The following ADCY3 variants were observed in gnomAD, a reference collection of about 807,000 sequenced individuals.
ADCY3 encodes adenylate cyclase 3, also known as adenylate cyclase type 3.
ADCY3 carries 70 observed loss-of-function variants against 119.4 expected under a neutral mutation model. The ratio of observed to expected loss-of-function variants is 0.59; its 90% CI spans 0.48 to 0.72. The LOEUF (loss-of-function observed/expected upper bound fraction) is 0.72, where lower values mean the gene tolerates loss of function less well. Ranked by LOEUF, ADCY3 falls within the 30% of genes least tolerant of loss-of-function variation. The pLI is 0.00. For missense variants in ADCY3, 1,238 were observed against 1,541.6 expected (o/e 0.80, Z 3.30); for synonymous variants, 672 against 621.4 (o/e 1.08, Z -1.21).
At chr2:24,823,149 G>A in intron 18 of ADCY3, 60 bp downstream of exon 18, 2 of 1,565,546 alleles carry the variant, frequency 1.3e-6, no homozygotes, top group Non-Finnish European at 1.7e-6. Flanking sequence ...GCCTATTGTA[G>A]GATGTGATGT....
At chr2:24,821,945 G>A (rs1667795527) in intron 19 of ADCY3, 1 of 324,616 alleles carries the variant, frequency 3.1e-6, no homozygotes, top group African/African-American at 2.1e-5. Context: ...TTGTCAGGTT[G>A]TCCTTGTTTG....
chr2:24,909,503 CT>C (rs1476572242), intron 2 of ADCY3, among the ~76,000 whole-genome samples: 1 of 152,144 alleles, frequency 6.6e-6, no homozygotes, highest in Non-Finnish European at 1.5e-5. Context: ...AAGAGAATGA[CT>C]TCTCACCCAA....
chr2:24,891,678 G>A (rs1677676106), intron 2 of ADCY3, among the ~76,000 whole-genome samples: 1 of 152,162 alleles, frequency 6.6e-6, no homozygotes, highest in Non-Finnish European at 1.5e-5. Context: ...AAAAGGGAAA[G>A]ATAAATTTGT....
At chr2:24,835,813 G>A (rs1051775994) in intron 9 of ADCY3, among the ~76,000 whole-genome samples, 1 of 151,932 alleles carries the variant, frequency 6.6e-6, no homozygotes, top group Non-Finnish European at 1.5e-5. Context: ...GTACACGCCT[G>A]TAATCACAGC....
rs1450704492 is a variant in ADCY3 at position 24,834,001 on chromosome 2, C to T, written c.1967+484G>A. ...TCGTCACCCTCAGACAGGGCTTCAC[C>T]AGCTGGGGACTCCAGGAGGCCACAC... On this transcript the variant is annotated intron_variant, in intron 11 of 21. Transcript: ENST00000679454. This position sits in a 1 kb window ranked among gnomAD's most constrained non-coding sequence, Gnocchi z 4.2. 6.6e-6 allele frequency among the ~76,000 whole-genome samples: 1 copy of T among 152,258 alleles called. No individual in the cohort carries two copies. Among genetic ancestry groups the T allele is most frequent in the Non-Finnish European group, 1.5e-5 (1 of 68,050 alleles).
At chr2:24,873,767 C>T (rs890096827) in intron 2 of ADCY3, among the ~76,000 whole-genome samples, 2 of 152,224 alleles carry the variant, frequency 1.3e-5, no homozygotes, top group Non-Finnish European at 2.9e-5. Flanking sequence ...CTCCAGCTTC[C>T]CTGGCGCCAG....
chr2:24,838,760 G>A, intron 7 of ADCY3, 138 bp from the exon 8 acceptor site: 3 of 1,587,090 alleles, frequency 1.9e-6, no homozygotes, highest in Non-Finnish European at 2.6e-6. Flanking sequence ...AGGCCAAGTG[G>A]AGGCAGTTCT....
chr2:24,916,547 A>G (rs1664480665), intron 2 of ADCY3, among the ~76,000 whole-genome samples: 1 of 152,170 alleles, frequency 6.6e-6, no homozygotes, highest in Non-Finnish European at 1.5e-5. Flanking sequence ...CCAGGCGTGG[A>G]GGCGCGTGCC....
rs1257248708 is a variant in ADCY3, at chr2:24,878,405, G to A, written c.676-5686C>T. On this transcript the variant is annotated intron_variant, in intron 2 of 21. Transcript: ENST00000679454. The surrounding 1 kb of genome is among the most constrained non-coding windows in gnomAD (Gnocchi z 4.0). ...GTCACCCCACTGGAGGCGGTTTGGT[G>A]GCTCTCTTGCCCAAACCAATCTCTT... is the stretch of plus-strand genomic sequence containing the variant. Among the ~76,000 whole-genome samples the A allele has an allele frequency of 6.6e-6, 1 of 152,108 alleles. No homozygotes were observed. Among genetic ancestry groups the A allele is most frequent in the African/African-American group, 2.4e-5 (1 of 41,408 alleles).
rs79661731 is a variant in ADCY3, at chr2:24,836,945, G to A, written c.1634C>T (p.Ser545Leu). 5.3e-5 allele frequency: 86 copies of A among 1,613,598 alleles called. No individual in the cohort carries two copies. In the East Asian group the frequency reaches 1.0e-3, roughly 19 times the overall value. Residue 545 changes from serine (S) to leucine (L), a missense_variant, in exon 9 of 22, where the codon TCG becomes TTG. Coordinates refer to ENST00000679454, the MANE Select transcript of ADCY3 (RefSeq NM_004036.5). ...NGSAHSSGSTSEKPEEQDAQA... is the reference protein window; with the variant it reads ...NGSAHSSGSTLEKPEEQDAQA... ...GGCATCCTGCTCCTCGGGCTTCTCC[G>A]ACGTGGACCCACTGCTGTGGGCACT...
chr2:24,904,580 T>C (rs1679261698), intron 2 of ADCY3, among the ~76,000 whole-genome samples: 2 of 152,162 alleles, frequency 1.3e-5, no homozygotes, highest in Non-Finnish European at 2.9e-5. Flanking sequence ...GAGAACTTCA[T>C]GTGGAAAGCA....
Position 24,918,304 on chromosome 2 carries a change from A to G in ADCY3, c.675+9T>C, listed in dbSNP as rs1664706268. On this transcript the variant is annotated intron_variant, in intron 2 of 21. Coordinates refer to ENST00000679454, the MANE Select transcript of ADCY3 (RefSeq NM_004036.5). The surrounding 1 kb of genome is among the most constrained non-coding windows in gnomAD (Gnocchi z 5.4). ...AGGACGCTGTGGGGGGACAGTGGGC[A>G]GGACTCACCTCCCGCAGCAGCTGCA... 6.5e-7 allele frequency: 1 copy of G among 1,546,322 alleles called. No homozygotes were observed. The highest frequency in any genetic ancestry group is 1.4e-5 in the African/African-American group (1 of 73,002).
At chr2:24,897,217 C>T (rs6752483) in intron 2 of ADCY3, among the ~76,000 whole-genome samples, 79,316 of 151,150 alleles carry the variant, frequency 0.52, 23,123 homozygotes, top group African/African-American at 0.8. Flanking sequence ...AATTCAGCCA[C>T]ACCCTCCTCC....
At chr2:24,835,066 A>G in intron 9 of ADCY3, 130 bp from the exon 10 acceptor site, 2 of 1,242,616 alleles carry the variant, frequency 1.6e-6, no homozygotes, top group African/African-American at 1.5e-5. Flanking sequence ...CTCCAGCTCT[A>G]AAATCCCTTT....
At chr2:24,840,758 G>A (rs1388059710) in intron 6 of ADCY3, among the ~76,000 whole-genome samples, 3 of 152,210 alleles carry the variant, frequency 2.0e-5, no homozygotes, top group Non-Finnish European at 4.4e-5. Flanking sequence ...GTGAGGGCAG[G>A]AGAGTTTGCC....
chr2:24,878,562 G>A lies in ADCY3; in HGVS notation c.676-5843C>T, dbSNP rs1373171816. Among the ~76,000 whole-genome samples the A allele has an allele frequency of 6.6e-6, 1 of 152,118 alleles. No homozygotes were observed. The highest frequency in any genetic ancestry group is 1.5e-5 in the Non-Finnish European group (1 of 68,006). On this transcript the variant is annotated intron_variant, in intron 2 of 21. Coordinates refer to ENST00000679454, the MANE Select transcript of ADCY3 (RefSeq NM_004036.5). This position sits in a 1 kb window ranked among gnomAD's most constrained non-coding sequence, Gnocchi z 4.0. Reference sequence around the variant, plus strand: ...AGACCTATGACGTTCTGCGGCTGGAGGCCAGCCGCACGGGAAACTCGTCAT... The same window carrying A: ...AGACCTATGACGTTCTGCGGCTGGAAGCCAGCCGCACGGGAAACTCGTCAT...
intron 2 of ADCY3, among the ~76,000 whole-genome samples, chr2:24,904,294 C>T (rs988355910): frequency 1.3e-5 from 2 of 152,108 alleles, no homozygotes; most frequent in African/African-American, 4.8e-5. Flanking sequence ...CTTTGGAAGG[C>T]CCAAATGGGC....
rs901596860 is a variant in ADCY3 at position 24,878,746 on chromosome 2, T to C, written c.676-6027A>G. 6.6e-6 allele frequency among the ~76,000 whole-genome samples: 1 copy of C among 152,136 alleles called. No individual in the cohort carries two copies. Among genetic ancestry groups the C allele is most frequent in the African/African-American group, 2.4e-5 (1 of 41,438 alleles). ...CCACTCAGCACAGATGGGTCCCACT[T>C]CTGGGGCCACTCTCGCTGCAGACGC... On this transcript the variant is annotated intron_variant, in intron 2 of 21. Coordinates refer to ENST00000679454, the MANE Select transcript of ADCY3 (RefSeq NM_004036.5). This position sits in a 1 kb window ranked among gnomAD's most constrained non-coding sequence, Gnocchi z 4.0.
intron 3 of ADCY3, among the ~76,000 whole-genome samples, chr2:24,866,120 T>C (rs1439877265): frequency 6.6e-6 from 1 of 152,164 alleles, no homozygotes; most frequent in South Asian, 2.1e-4. Context: ...GAGGCTAAGC[T>C]TTCAGTAGCC....
Sources: allele counts gnomAD v4.1 joint callset (sites outside exome capture counted in the v4.1 genomes callset), GRCh38; gene constraint gnomAD v4.1.1; non-coding constraint Gnocchi (gnomAD v3.1); transcripts MANE v1.5; gene names NCBI Gene and HGNC (gene_info 2026-07-23, HGNC 2026-07-21).